Variants in FOXO3 observed in about 807,000 individuals in gnomAD.
FOXO3 encodes the protein forkhead box O3.
Under a neutral mutation model 41.9 loss-of-function variants are expected in FOXO3, and 4 were observed. That is an observed-to-expected ratio of 0.10 (90% CI 0.05 to 0.22). FOXO3 has a LOEUF of 0.22. Ranked by LOEUF, FOXO3 falls within the 10% of genes least tolerant of loss-of-function variation. The probability of loss-of-function intolerance (pLI) is 1.00; values close to 1 mark genes in which losing one functional copy is unlikely to be tolerated. For missense variants in FOXO3, 534 were observed against 906.8 expected, an observed-to-expected ratio of 0.59 and a Z score of 5.28; for synonymous variants, 318 against 389.3, an observed-to-expected ratio of 0.82 and a Z score of 2.16.
intron 1 of FOXO3, among the ~76,000 whole-genome samples, chr6:108,634,796 T>C (rs1778074690): frequency 6.6e-6 from 1 of 152,076 alleles, no homozygotes; most frequent in Non-Finnish European, 1.5e-5. Context: ...TGCATATATT[T>C]GAAACTTAAG....
chr6:108,584,548 T>C (rs1371528959), intron 1 of FOXO3, among the ~76,000 whole-genome samples: 1 of 152,128 alleles, frequency 6.6e-6, no homozygotes, highest in African/African-American at 2.4e-5. Context: ...GGATACTGAG[T>C]CTGCTTTTTG....
At chr6:108,600,359 A>G (rs933485882) in intron 1 of FOXO3, among the ~76,000 whole-genome samples, 2 of 152,016 alleles carry the variant, frequency 1.3e-5, no homozygotes, top group African/African-American at 4.8e-5. Context: ...CAGCCTGGCC[A>G]ACATGGTGAA....
At chr6:108,582,492 CT>C (rs1776448438) in intron 1 of FOXO3, among the ~76,000 whole-genome samples, 1 of 152,164 alleles carries the variant, frequency 6.6e-6, no homozygotes, top group Non-Finnish European at 1.5e-5. Context: ...TTTGTGTTTC[CT>C]GCCATGTAAA....
intron 1 of FOXO3, among the ~76,000 whole-genome samples, chr6:108,649,396 C>T (rs1056558067): frequency 4.6e-5 from 7 of 151,992 alleles, no homozygotes; most frequent in Admixed American, 2.6e-4. Flanking sequence ...CCCGTCAGTA[C>T]TTTGCTTGAC....
chr6:108,664,467 G>C lies in FOXO3; in HGVS notation c.1634G>C (p.Gly545Ala). The C allele has an allele frequency of 6.3e-7, 1 of 1,593,238 alleles. No homozygotes were observed. ...CAGCACCAAACCCAGGGCGCTCTTG[G>C]TGGCAGCCGTGCCTTGTCGAATTCT... ...HHQHQTQGAL[G>A]GSRALSNSVS... is the part of the protein sequence containing the mutation. Residue 545 changes from glycine (G) to alanine (A), a missense_variant, in exon 2 of 3, where the codon GGT becomes GCT. This residue lies in a region of FOXO3 where 94 missense variants were observed against 214.4 expected (regional missense o/e 0.44). Transcript: ENST00000406360.
At chr6:108,639,759 A>T (rs1378735105) in intron 1 of FOXO3, 1 of 189,320 alleles carries the variant, frequency 5.3e-6, no homozygotes, top group Non-Finnish European at 9.8e-6. Flanking sequence ...GTACATATCA[A>T]TTAAGAAGAC....
intron 1 of FOXO3, among the ~76,000 whole-genome samples, chr6:108,657,912 A>G (rs1778734642): frequency 6.6e-6 from 1 of 152,162 alleles, no homozygotes; most frequent in Non-Finnish European, 1.5e-5. Flanking sequence ...TGTAGGTTTG[A>G]ATTGCACAGG....
Position 108,561,311 on chromosome 6 carries a change from C to T in FOXO3, c.103C>T (p.Leu35=). Residue 35 remains leucine (L), a synonymous_variant, in exon 1 of 3, where the codon CTG becomes TTG. Transcript: ENST00000406360. ...QSRPRSCTWP[L]QRPELQASPA... ...CCGTCCGCGATCCTGTACGTGGCCCCTGCAAAGGCCGGAGCTCCAAGCGAG... is the reference window on the plus strand; with the variant it reads ...CCGTCCGCGATCCTGTACGTGGCCCTTGCAAAGGCCGGAGCTCCAAGCGAG... 5 of 1,563,106 alleles carry T rather than the reference C, an allele frequency of 3.2e-6. No homozygotes were observed. The highest frequency in any genetic ancestry group is 4.3e-6 in the Non-Finnish European group (5 of 1,156,694).
intron 1 of FOXO3, among the ~76,000 whole-genome samples, chr6:108,644,546 C>T (rs1244440336): frequency 1.3e-5 from 2 of 152,078 alleles, no homozygotes; most frequent in Non-Finnish European, 2.9e-5. Context: ...CTCCTGGGCA[C>T]GATCGCCACA....
intron 1 of FOXO3, among the ~76,000 whole-genome samples, chr6:108,594,952 A>T (rs1159493339): frequency 1.3e-5 from 2 of 152,190 alleles, no homozygotes; most frequent in African/African-American, 4.8e-5. Flanking sequence ...GTTGGTACCT[A>T]CGTGTCAGGG....
At chr6:108,580,348 T>C (rs970823315) in intron 1 of FOXO3, among the ~76,000 whole-genome samples, 5 of 151,990 alleles carry the variant, frequency 3.3e-5, no homozygotes, top group African/African-American at 1.2e-4. Flanking sequence ...ACCATCGTGC[T>C]CGGCTAATTA....
chr6:108,635,101 G>C (rs1288836293), intron 1 of FOXO3, among the ~76,000 whole-genome samples: 1 of 151,978 alleles, frequency 6.6e-6, no homozygotes, highest in Non-Finnish European at 1.5e-5. Context: ...AGAAGTTCAA[G>C]ACCAGTCTGG....
At chr6:108,665,427 T>C (rs1779020737) in intron 2 of FOXO3, among the ~76,000 whole-genome samples, 1 of 152,234 alleles carries the variant, frequency 6.6e-6, no homozygotes, top group South Asian at 2.1e-4. Flanking sequence ...TATTCTAGAC[T>C]CTTTCATATA....
chr6:108,665,965 A>T (rs1441169002), intron 2 of FOXO3, among the ~76,000 whole-genome samples: 2 of 152,070 alleles, frequency 1.3e-5, no homozygotes, highest in African/African-American at 4.8e-5. Context: ...ATGGTGATGG[A>T]GATTTTTTCA....
intron 1 of FOXO3, among the ~76,000 whole-genome samples, chr6:108,571,972 G>A (rs1470584125): frequency 6.6e-6 from 1 of 152,170 alleles, no homozygotes; most frequent in Non-Finnish European, 1.5e-5. Flanking sequence ...TAATCCTGCA[G>A]TGAGGACAGA....
chr6:108,611,185 C>G (rs1046779805), intron 1 of FOXO3, among the ~76,000 whole-genome samples: 2 of 152,100 alleles, frequency 1.3e-5, no homozygotes, highest in African/African-American at 4.8e-5. Flanking sequence ...GTGGCTCATT[C>G]TTTTAATTGC....
intron 2 of FOXO3, among the ~76,000 whole-genome samples, chr6:108,670,613 A>G (rs1779190938): frequency 6.6e-6 from 1 of 152,124 alleles, no homozygotes; most frequent in Non-Finnish European, 1.5e-5. Context: ...TTTTTAGGGT[A>G]GGATATGTTA....
chr6:108,575,609 T>G (rs58121322), intron 1 of FOXO3, among the ~76,000 whole-genome samples: 2,440 of 152,308 alleles, frequency 0.016, 66 homozygotes, highest in African/African-American at 0.056. Context: ...CAACATTTAT[T>G]TCCAAACCAA....
At chr6:108,661,013 T>C (rs1184731171) in intron 1 of FOXO3, among the ~76,000 whole-genome samples, 1 of 151,896 alleles carries the variant, frequency 6.6e-6, no homozygotes, top group Non-Finnish European at 1.5e-5. Flanking sequence ...TGAGCCGAGA[T>C]CACGCCACTG....
Sources: allele counts gnomAD v4.1 joint callset (sites outside exome capture counted in the v4.1 genomes callset), GRCh38; gene constraint gnomAD v4.1.1; regional missense constraint gnomAD v4.1.1; transcripts MANE v1.5; gene names NCBI Gene and HGNC (gene_info 2026-07-23, HGNC 2026-07-21).